Variants in ATP9A observed in about 807,000 individuals in gnomAD.
ATP9A encodes the protein ATPase phospholipid transporting 9A.
A neutral mutation model predicts 144.1 loss-of-function variants in ATP9A; 52 were observed. The observed-to-expected ratio is 0.36, with a 90% confidence interval of 0.29 to 0.45. The LOEUF (loss-of-function observed/expected upper bound fraction) is 0.45. Among genes scored for constraint, ATP9A ranks in the 20% least tolerant of loss-of-function variants. The pLI, the probability that ATP9A is intolerant of heterozygous loss-of-function variation, is 1.00. For missense variants in ATP9A, 947 were observed against 1,392.7 expected, an observed-to-expected ratio of 0.68 and a Z score of 5.09; for synonymous variants, 582 against 557.4, an observed-to-expected ratio of 1.04 and a Z score of -0.62.
rs116011637 is a variant in ATP9A at position 51,755,524 on chromosome 20, G to T, written c.68+12778C>A. On this transcript the variant is annotated intron_variant, in intron 1 of 27. Transcript: ENST00000338821. ...GTGACGGACAATACCAAGTGTTGAT[G>T]AGGACATGGAACAACTGACCAGCTT... is the stretch of plus-strand genomic sequence containing the variant. Among the ~76,000 whole-genome samples the T allele has an allele frequency of 3.7e-3, 559 of 152,260 alleles. 4 individuals are homozygous for T. The highest frequency in any genetic ancestry group is 0.012 in the African/African-American group (486 of 41,556).
chr20:51,616,708 A>C (rs2077204395), intron 22 of ATP9A, among the ~76,000 whole-genome samples: 1 of 152,192 alleles, frequency 6.6e-6, no homozygotes, highest in African/African-American at 2.4e-5. Flanking sequence ...AAACTGTAAG[A>C]GGCAAGCGCA....
intron 25 of ATP9A, 66 bp from the exon 26 acceptor site, chr20:51,607,650 T>C: frequency 7.8e-7 from 1 of 1,288,552 alleles, no homozygotes; most frequent in Non-Finnish European, 1.1e-6. Flanking sequence ...TGCCATCAGC[T>C]TTCACGTTAT....
chr20:51,698,254 T>C (rs1352698168), intron 4 of ATP9A, among the ~76,000 whole-genome samples: 1 of 152,176 alleles, frequency 6.6e-6, no homozygotes, highest in Non-Finnish European at 1.5e-5. Flanking sequence ...CCAGGCACAG[T>C]GGCTCACATC....
intron 6 of ATP9A, among the ~76,000 whole-genome samples, chr20:51,695,593 C>A (rs912252632): frequency 3.3e-5 from 5 of 152,068 alleles, no homozygotes; most frequent in Admixed American, 3.3e-4. Flanking sequence ...GAGATTCCCA[C>A]CCCACAAACT....
At chr20:51,621,955 CCCACCCTAGGTAAT>C in intron 19 of ATP9A, 105 bp downstream of exon 19, 1 of 859,306 alleles carries the variant, frequency 1.2e-6, no homozygotes, top group Non-Finnish European at 1.9e-6. Flanking sequence ...GTTGATGCTC[CCCACCCTAGGTAAT>C]TCACATGCTG....
At chr20:51,666,871 T>C (rs929861187) in intron 13 of ATP9A, among the ~76,000 whole-genome samples, 1 of 152,128 alleles carries the variant, frequency 6.6e-6, no homozygotes, top group Non-Finnish European at 1.5e-5. Flanking sequence ...CTTTCAGGTA[T>C]GTAAATCATC....
chr20:51,753,399 C>T (rs962985948), intron 1 of ATP9A, among the ~76,000 whole-genome samples: 3 of 151,442 alleles, frequency 2.0e-5, no homozygotes, highest in Non-Finnish European at 2.9e-5. Context: ...TGCAGTGAGC[C>T]GAAATCATGC....
chr20:51,647,234 T>C (rs942358819), intron 14 of ATP9A, among the ~76,000 whole-genome samples: 9 of 152,132 alleles, frequency 5.9e-5, no homozygotes, highest in Admixed American at 6.6e-5. Flanking sequence ...ATCATCTTCC[T>C]AAAATGTGAT....
At chr20:51,668,852 C>T (rs1210607329) in intron 13 of ATP9A, among the ~76,000 whole-genome samples, 2 of 152,184 alleles carry the variant, frequency 1.3e-5, no homozygotes, top group Admixed American at 6.5e-5. Context: ...CTGCCATTTT[C>T]AGGAGACAGC....
intron 8 of ATP9A, among the ~76,000 whole-genome samples, chr20:51,690,419 CA>C (rs1029011009): frequency 6.0e-5 from 9 of 149,338 alleles, no homozygotes; most frequent in African/African-American, 2.2e-4. Context: ...GACTCCATCT[CA>C]AAAAAAAACA....
At chr20:51,690,106 T>C (rs1397040592) in intron 8 of ATP9A, among the ~76,000 whole-genome samples, 1 of 55,790 alleles carries the variant, frequency 1.8e-5, no homozygotes, top group African/African-American at 8.0e-5. Context: ...AAGGAGACCG[T>C]CTCAAAAAAA....
intron 9 of ATP9A, among the ~76,000 whole-genome samples, chr20:51,687,374 T>C (rs551802773): frequency 1.3e-5 from 2 of 152,286 alleles, no homozygotes; most frequent in East Asian, 3.9e-4. Context: ...AGTGCATGTG[T>C]GGATGGTGAC....
intron 10 of ATP9A, among the ~76,000 whole-genome samples, chr20:51,675,799 G>T (rs2077474409): frequency 6.6e-6 from 1 of 151,312 alleles, no homozygotes; most frequent in South Asian, 2.1e-4. Context: ...AGGATTGCTT[G>T]AGCCCGGGAG....
intron 9 of ATP9A, among the ~76,000 whole-genome samples, chr20:51,681,841 T>C (rs940074021): frequency 1.3e-5 from 2 of 152,184 alleles, no homozygotes; most frequent in African/African-American, 2.4e-5. Context: ...AGGTGCGCTC[T>C]TGCTGCATGA....
intron 1 of ATP9A, among the ~76,000 whole-genome samples, chr20:51,731,317 AAAT>A (rs1401506768): frequency 2.6e-5 from 4 of 152,018 alleles, no homozygotes; most frequent in Middle Eastern, 3.5e-3. Flanking sequence ...AAATAAATAA[AAAT>A]AATAATAATT....
intron 15 of ATP9A, among the ~76,000 whole-genome samples, chr20:51,629,631 G>A (rs1360702925): frequency 6.6e-6 from 1 of 152,152 alleles, no homozygotes; most frequent in Non-Finnish European, 1.5e-5. Context: ...GTCTCCTGGG[G>A]GCAAACTGAC....
intron 1 of ATP9A, among the ~76,000 whole-genome samples, chr20:51,735,300 G>A (rs149598833): frequency 3.9e-5 from 6 of 152,284 alleles, no homozygotes; most frequent in East Asian, 3.9e-4. Flanking sequence ...TTCTTTGCAC[G>A]AAAGCAAGAG....
At position 51,674,328 on chromosome 20, in the gene ATP9A, A is replaced by G; in HGVS notation, c.877-15T>C. The G allele has an allele frequency of 6.2e-7, 1 of 1,612,056 alleles. No homozygotes were observed. Among genetic ancestry groups the G allele is most frequent in the Non-Finnish European group, 8.5e-7 (1 of 1,179,688 alleles). ...AACAGGCCGATCTGTGGGACGAAGC[A>G]CAAACCAGGGCTTGAGATGAGCTGG... On this transcript the variant is annotated splice_polypyrimidine_tract_variant and intron_variant, in intron 10 of 27. Coordinates refer to ENST00000338821, the MANE Select transcript of ATP9A (RefSeq NM_006045.3).
At chr20:51,708,804 G>A (rs1293682690) in intron 4 of ATP9A, among the ~76,000 whole-genome samples, 3 of 152,064 alleles carry the variant, frequency 2.0e-5, no homozygotes, top group Admixed American at 2.0e-4. Context: ...ACAAATGGAG[G>A]GACAGGATAC....
Sources: gnomAD v4.1 joint callset for allele counts (sites outside exome capture counted in the v4.1 genomes callset) on GRCh38, gnomAD v4.1.1 for gene constraint, MANE v1.5 for transcripts, NCBI Gene and HGNC (gene_info 2026-07-23, HGNC 2026-07-21) for gene names.